The following CABLES1 variants were observed in gnomAD, a reference collection of about 807,000 sequenced individuals.
CABLES1 encodes the protein CDK5 and ABL1 enzyme substrate 1.
Under a neutral mutation model 57.8 loss-of-function variants are expected in CABLES1, and 36 were observed. The ratio of observed to expected loss-of-function variants is 0.62; its 90% CI spans 0.48 to 0.82. The LOEUF (loss-of-function observed/expected upper bound fraction) is 0.82. Ranked by LOEUF, CABLES1 falls within the 40% of genes least tolerant of loss-of-function variation. The pLI, the probability that CABLES1 is intolerant of heterozygous loss-of-function variation, is 0.00. For synonymous variants in CABLES1, 374 were observed against 363.0 expected (o/e 1.03, Z -0.35); for missense variants, 767 against 836.6 (o/e 0.92, Z 1.03).
At chr18:23,232,329 T>C (rs1179259670) in intron 4 of CABLES1, among the ~76,000 whole-genome samples, 1 of 152,222 alleles carries the variant, frequency 6.6e-6, no homozygotes, top group Non-Finnish European at 1.5e-5. Context: ...GCTTTGGCTT[T>C]GGAAAAGTAG....
intron 5 of CABLES1, 87 bp downstream of exon 5, chr18:23,234,791 CTT>C: frequency 9.2e-7 from 1 of 1,089,810 alleles, no homozygotes. Flanking sequence ...ACAAGCCTCT[CTT>C]GAGGTGGAGG....
intron 7 of CABLES1, among the ~76,000 whole-genome samples, chr18:23,239,956 AAAAAT>A (rs2047693868): frequency 6.6e-6 from 1 of 152,150 alleles, no homozygotes; most frequent in Non-Finnish European, 1.5e-5. Flanking sequence ...CATCTCTACT[AAAAAT>A]AAAAAAATTA....
chr18:23,167,909 C>T (rs974692795), intron 1 of CABLES1, among the ~76,000 whole-genome samples: 3 of 152,222 alleles, frequency 2.0e-5, no homozygotes, highest in Non-Finnish European at 4.4e-5. Flanking sequence ...TCGCGCCCTT[C>T]GGTTCATGCA....
chr18:23,253,990 C>G (rs2048103999), intron 9 of CABLES1, 54 bp downstream of exon 9: 5 of 1,506,576 alleles, frequency 3.3e-6, no homozygotes, highest in Non-Finnish European at 3.7e-6. Flanking sequence ...GTCCGGGGTT[C>G]CTCTCTCAGA....
At chr18:23,147,729 T>C (rs1316094060) in intron 1 of CABLES1, among the ~76,000 whole-genome samples, 1 of 152,182 alleles carries the variant, frequency 6.6e-6, no homozygotes, top group Non-Finnish European at 1.5e-5. Flanking sequence ...TAAAGCAAGG[T>C]AGGGGGAATT....
intron 1 of CABLES1, among the ~76,000 whole-genome samples, chr18:23,182,185 C>T (rs902012915): frequency 3.9e-5 from 6 of 152,238 alleles, no homozygotes; most frequent in African/African-American, 7.2e-5. Flanking sequence ...TCTTCACACC[C>T]ATGTAATGTG....
intron 4 of CABLES1, among the ~76,000 whole-genome samples, chr18:23,220,561 G>A (rs190363988): frequency 3.8e-4 from 58 of 152,322 alleles, no homozygotes; most frequent in African/African-American, 1.4e-3. Context: ...AGAACCAAGT[G>A]TGTTTCCCTT....
At position 23,184,203 on chromosome 18, in the gene CABLES1, G is replaced by A. The variant is rs184520869; in HGVS notation, c.846-4635G>A. Among the ~76,000 whole-genome samples the A allele has an allele frequency of 2.4e-4, 37 of 152,296 alleles. No homozygotes were observed. In the East Asian group the frequency reaches 7.1e-3, roughly 29 times the overall value. ...CACAAAGAAGGGAAGTACATCTGCT[G>A]AAGTTAAAGGAACAGGTGGGCATTT... On this transcript the variant is annotated intron_variant, in intron 1 of 9. Transcript: ENST00000256925.
chr18:23,179,387 A>G (rs2047148024), intron 1 of CABLES1, among the ~76,000 whole-genome samples: 1 of 152,222 alleles, frequency 6.6e-6, no homozygotes, highest in South Asian at 2.1e-4. Flanking sequence ...TTTACAAGAA[A>G]AATCCCAGTG....
At chr18:23,202,023 C>G (rs201465351) in intron 3 of CABLES1, among the ~76,000 whole-genome samples, 1 of 151,196 alleles carries the variant, frequency 6.6e-6, no homozygotes, top group Non-Finnish European at 1.5e-5. Flanking sequence ...TAGGAAAGCC[C>G]GCATGGTGGA....
At chr18:23,163,449 G>A (rs1052741014) in intron 1 of CABLES1, among the ~76,000 whole-genome samples, 1 of 152,136 alleles carries the variant, frequency 6.6e-6, no homozygotes, top group Non-Finnish European at 1.5e-5. Context: ...CTTCCGTATC[G>A]AGAGGTTGAG....
At chr18:23,221,176 T>C (rs1261386861) in intron 4 of CABLES1, among the ~76,000 whole-genome samples, 1 of 152,252 alleles carries the variant, frequency 6.6e-6, no homozygotes, top group Non-Finnish European at 1.5e-5. Context: ...GGATTCCTTA[T>C]CACAGTACCA....
chr18:23,174,417 C>T (rs1386819083), intron 1 of CABLES1, among the ~76,000 whole-genome samples: 3 of 151,822 alleles, frequency 2.0e-5, no homozygotes, highest in Non-Finnish European at 4.4e-5. Flanking sequence ...ATCTTGGCAT[C>T]TTTCTTTGAT....
intron 1 of CABLES1, among the ~76,000 whole-genome samples, chr18:23,172,633 G>C (rs1378180065): frequency 6.6e-6 from 1 of 152,138 alleles, no homozygotes; most frequent in Non-Finnish European, 1.5e-5. Flanking sequence ...TTGGTATAAA[G>C]GGTCCATTCA....
chr18:23,186,292 C>T (rs1324628096), intron 1 of CABLES1, among the ~76,000 whole-genome samples: 1 of 152,210 alleles, frequency 6.6e-6, no homozygotes, highest in Non-Finnish European at 1.5e-5. Context: ...AGCCCAGTAG[C>T]TCCCATTCAT....
intron 1 of CABLES1, among the ~76,000 whole-genome samples, chr18:23,146,733 G>A (rs2046893752): frequency 6.9e-6 from 1 of 145,640 alleles, no homozygotes; most frequent in Admixed American, 6.9e-5. Flanking sequence ...AAGGCAATGT[G>A]GTAGCTGTTT....
At chr18:23,143,356 T>A (rs148131292) in intron 1 of CABLES1, among the ~76,000 whole-genome samples, 2 of 152,274 alleles carry the variant, frequency 1.3e-5, no homozygotes, top group East Asian at 3.9e-4. Context: ...ACATTACACA[T>A]CTTGTGTTAT....
At chr18:23,163,047 A>G (rs186768101) in intron 1 of CABLES1, among the ~76,000 whole-genome samples, 29 of 152,298 alleles carry the variant, frequency 1.9e-4, no homozygotes, top group Admixed American at 5.9e-4. Flanking sequence ...TTTCAGAAAT[A>G]GACAACAGTC....
At chr18:23,153,260 T>C (rs1568045118) in intron 1 of CABLES1, among the ~76,000 whole-genome samples, 1 of 151,976 alleles carries the variant, frequency 6.6e-6, no homozygotes, top group Non-Finnish European at 1.5e-5. Context: ...CACACCTGGC[T>C]AATTTTTATA....
Sources: gnomAD v4.1 joint callset for allele counts (sites outside exome capture counted in the v4.1 genomes callset) on GRCh38, gnomAD v4.1.1 for gene constraint, MANE v1.5 for transcripts, NCBI Gene and HGNC (gene_info 2026-07-23, HGNC 2026-07-21) for gene names.